COX15: variants seen among roughly 807,000 people sequenced by gnomAD.
COX15 encodes the protein heme A synthase COX15.
COX15 carries 51 observed loss-of-function variants against 51.9 expected under a neutral mutation model. The ratio of observed to expected loss-of-function variants is 0.98; its 90% CI spans 0.78 to 1.24. The LOEUF is 1.24. Among genes scored for constraint, COX15 ranks in the 50% most tolerant of loss-of-function variants. The pLI, the probability that COX15 is intolerant of heterozygous loss-of-function variation, is 0.00. For synonymous variants in COX15, 188 were observed against 190.5 expected, an observed-to-expected ratio of 0.99 and a Z score of 0.11; for missense variants, 420 against 501.1, an observed-to-expected ratio of 0.84 and a Z score of 1.55.
chr10:99,709,286 A>G, downstream of COX15: 6 of 985,394 alleles, frequency 6.1e-6, no homozygotes, highest in Non-Finnish European at 6.0e-6. Context: ...TTTCAAATTA[A>G]TTCAAAACTA....
chr10:99,723,533 A>G (rs1320017302), intron 5 of COX15, among the ~76,000 whole-genome samples: 1 of 152,238 alleles, frequency 6.6e-6, no homozygotes, highest in Non-Finnish European at 1.5e-5. Context: ...GCCTCAAAAA[A>G]ATGTTATACC....
chr10:99,710,281 C>T (rs1564641213), downstream of COX15: 1 of 985,300 alleles, frequency 1.0e-6, no homozygotes, highest in African/African-American at 1.7e-5. Flanking sequence ...ATCCCAGACA[C>T]ATACTTTGGT....
Position 99,714,205 on chromosome 10 carries a change from C to G in COX15, c.*382G>C. On this transcript the variant is annotated 3_prime_UTR_variant, in exon 9 of 9. Coordinates refer to ENST00000016171, the MANE Select transcript of COX15 (RefSeq NM_078470.6). ...CACCTAATGGAAGTGAAGTTAAGAT[C>G]ATAAAGAAATTCTATTTAGGCAGAA... 5.6e-6 allele frequency: 6 copies of G among 1,075,956 alleles called. No individual in the cohort carries two copies. The highest frequency in any genetic ancestry group is 6.8e-6 in the Non-Finnish European group (6 of 883,774). The allele number at this position is 1,075,956 out of a possible 1,614,324, so 66.7% of individuals were successfully genotyped here. A position where few individuals can be genotyped will look rare whatever the true frequency, so the allele number is the denominator to read the frequency against.
chr10:99,701,345 T>C, the COX15 span, among the ~76,000 whole-genome samples: 5 of 151,736 alleles, frequency 3.3e-5, no homozygotes, highest in African/African-American at 1.2e-4. Flanking sequence ...TGGAGTGCAG[T>C]GGCATGATCT....
At chr10:99,722,929 T>C (rs2036821741) in intron 5 of COX15, 1 of 152,212 alleles carries the variant, frequency 6.6e-6, no homozygotes, top group East Asian at 1.9e-4. Context: ...TGTGGAATTA[T>C]TCAGTGGTTG....
intron 1 of COX15, among the ~76,000 whole-genome samples, chr10:99,730,108 C>A (rs555147388): frequency 6.6e-6 from 1 of 152,358 alleles, no homozygotes; most frequent in South Asian, 2.1e-4. Context: ...TTACATGTCA[C>A]CTCCTCTGGG....
Position 99,714,381 on chromosome 10 carries a change from A to T in COX15, c.*206T>A. On this transcript the variant is annotated 3_prime_UTR_variant, in exon 9 of 9. Coordinates refer to ENST00000016171, the MANE Select transcript of COX15 (RefSeq NM_078470.6). The stretch of plus-strand genomic sequence containing the variant: ...AACTGATTTTCAACATGAAAAGCAG[A>T]TTTAAAAGGGAACATTTAGGGTAAC... 1 of 1,389,680 alleles carries T rather than the reference A, an allele frequency of 7.2e-7. No individual in the cohort carries two copies. Among genetic ancestry groups the T allele is most frequent in the Admixed American group, 2.9e-5 (1 of 34,816 alleles). The allele number at this position is 1,389,680 out of a possible 1,614,324, so 86.1% of individuals were successfully genotyped here. A position where few individuals can be genotyped will look rare whatever the true frequency, so the allele number is the denominator to read the frequency against.
chr10:99,702,815 A>C, the COX15 span: 2 of 659,018 alleles, frequency 3.0e-6, no homozygotes, highest in Non-Finnish European at 4.6e-6. Context: ...ACAAAAACAA[A>C]CTCCTTTACT....
downstream of COX15, among the ~76,000 whole-genome samples, chr10:99,707,567 A>G (rs958852222): frequency 1.3e-5 from 2 of 152,236 alleles, no homozygotes; most frequent in African/African-American, 4.8e-5. Context: ...ATGGTGTCAT[A>G]AAATTCACAT....
intron 2 of COX15, 52 bp downstream of exon 2, chr10:99,729,501 G>A (rs1256319211): frequency 4.7e-6 from 7 of 1,490,648 alleles, no homozygotes; most frequent in Non-Finnish European, 6.5e-6. Flanking sequence ...CAGTCAACCT[G>A]TGCTTCTACT....
Position 99,713,343 on chromosome 10 carries a change from C to A in COX15, c.*1244G>T. 1 of 1,610,830 alleles carries A rather than the reference C, an allele frequency of 6.2e-7. No individual in the cohort carries two copies. Among genetic ancestry groups the A allele is most frequent in the South Asian group, 1.1e-5 (1 of 90,946 alleles). Reference sequence around the variant, plus strand: ...CTGTTTAATTTCATCTCGATGGGGTCATTCTGGGACTGTTTTCAGTTGCCA... The same window carrying A: ...CTGTTTAATTTCATCTCGATGGGGTAATTCTGGGACTGTTTTCAGTTGCCA... On this transcript the variant is annotated 3_prime_UTR_variant, in exon 9 of 9. Coordinates refer to ENST00000016171, the MANE Select transcript of COX15 (RefSeq NM_078470.6).
At chr10:99,695,321 G>A in the COX15 span, among the ~76,000 whole-genome samples, 22 of 152,130 alleles carry the variant, frequency 1.4e-4, no homozygotes, top group East Asian at 2.7e-3. Context: ...TCAAGAGATC[G>A]AGAACATCCT....
chr10:99,732,080 C>A lies in COX15; in HGVS notation c.-31G>T. On this transcript the variant is annotated 5_prime_UTR_variant, in exon 1 of 9. Coordinates refer to ENST00000016171, the MANE Select transcript of COX15 (RefSeq NM_078470.6). ...TGACAGGGAACAGCCACCTCTTCCA[C>A]AACCCAGGGCTCTGTGGTCTCCCTC... The A allele has an allele frequency of 6.2e-7, 1 of 1,603,500 alleles. No individual in the cohort carries two copies. The highest frequency in any genetic ancestry group is 8.5e-7 in the Non-Finnish European group (1 of 1,174,982).
In COX15 at chr10:99,729,654, T is replaced by C. The variant is rs758081353; in HGVS notation, c.171A>G (p.Thr57=). The change falls in exon 2 of 9, where the codon ACA becomes ACG. Residue 57 remains threonine, a synonymous_variant. Transcript: ENST00000016171. ...CAGCAGCCTTTGAGGGAAGGGACAC[T>C]GTACCCCTTCCAGATTGCAAAGCTA... ...SEVALQSGRG[T]VSLPSKAAER... is the part of the protein sequence containing the mutation. 8.1e-6 allele frequency: 13 copies of C among 1,613,988 alleles called. No homozygotes were observed. The South Asian group carries it at 1.1e-4, about 14-fold the overall frequency.
At chr10:99,700,511 T>A in the COX15 span, among the ~76,000 whole-genome samples, 2 of 151,920 alleles carry the variant, frequency 1.3e-5, no homozygotes, top group Non-Finnish European at 2.9e-5. Context: ...TCTGTTTTAT[T>A]TACTGCATGA....
downstream of COX15, chr10:99,710,805 C>A: frequency 1.0e-6 from 1 of 985,230 alleles, no homozygotes; most frequent in Non-Finnish European, 1.2e-6. Flanking sequence ...TAGTCATTAC[C>A]CCTGCTACAA....
the COX15 span, chr10:99,698,943 G>C: frequency 1.6e-6 from 2 of 1,254,106 alleles, no homozygotes; most frequent in Non-Finnish European, 2.2e-6. Context: ...TGTGCAAAGG[G>C]CTTTGCATAC....
Position 99,712,927 on chromosome 10 carries a change from C to G in COX15, c.*1660G>C, listed in dbSNP as rs999263210. Reference sequence around the variant, plus strand: ...ACTTCTCAAGGACAGGAATCTTGCTCTCTCTCCAGATGTTCTCTGCTCCAG... The same window carrying G: ...ACTTCTCAAGGACAGGAATCTTGCTGTCTCTCCAGATGTTCTCTGCTCCAG... On this transcript the variant is annotated 3_prime_UTR_variant, in exon 9 of 9. Transcript: ENST00000016171. The G allele has an allele frequency of 6.0e-5, 48 of 800,900 alleles. No individual in the cohort carries two copies. Among genetic ancestry groups the G allele is most frequent in the Non-Finnish European group, 7.0e-5 (46 of 658,292 alleles). 49.6% of individuals were successfully genotyped at this position (800,900 alleles called of 1,614,324 possible). A position where few individuals can be genotyped will look rare whatever the true frequency, so the allele number is the denominator to read the frequency against.
chr10:99,703,034 C>G, the COX15 span, among the ~76,000 whole-genome samples: 1 of 152,176 alleles, frequency 6.6e-6, no homozygotes, highest in Non-Finnish European at 1.5e-5. Context: ...GAAAACACAT[C>G]TGACTAAAGA....
Sources: gnomAD v4.1 joint callset for allele counts (sites outside exome capture counted in the v4.1 genomes callset) on GRCh38, gnomAD v4.1.1 for gene constraint, MANE v1.5 for transcripts, NCBI Gene and HGNC (gene_info 2026-07-23, HGNC 2026-07-21) for gene names.